The following ECPAS variants were observed in gnomAD, a reference collection of about 807,000 sequenced individuals.
ECPAS encodes the protein Ecm29 proteasome adaptor and scaffold.
In ECPAS, 70 loss-of-function variants were observed where a neutral mutation model predicts 255.1. The observed-to-expected ratio is 0.27, with a 90% confidence interval of 0.23 to 0.33. ECPAS has a LOEUF of 0.33. Ranked by LOEUF, ECPAS falls within the 10% of genes least tolerant of loss-of-function variation. The probability of loss-of-function intolerance (pLI) is 1.00; values close to 1 mark genes in which losing one functional copy is unlikely to be tolerated. For synonymous variants in ECPAS, 784 were observed against 775.0 expected, an observed-to-expected ratio of 1.01 and a Z score of -0.19; for missense variants, 1,817 against 2,206.4, an observed-to-expected ratio of 0.82 and a Z score of 3.54.
chr9:111,456,596 G>A (rs2098267282), intron 2 of ECPAS, among the ~76,000 whole-genome samples: 1 of 152,154 alleles, frequency 6.6e-6, no homozygotes, highest in Admixed American at 6.5e-5. Flanking sequence ...CAAATTCAAA[G>A]GTCAGAAAAC....
chr9:111,466,978 G>A lies in ECPAS; in HGVS notation c.22+5919C>T, dbSNP rs183051196. Among the ~76,000 whole-genome samples, 297 of 152,008 alleles carry A rather than the reference G, an allele frequency of 2.0e-3. 1 individual carries two copies. The highest frequency in any genetic ancestry group is 6.9e-3 in the African/African-American group (285 of 41,478). Reference sequence around the variant, plus strand: ...GTCTTTAGTTTCTCTATCTAAAGACGAAGAAGGAACACTCCCTCCTCCTAC... The same window carrying A: ...GTCTTTAGTTTCTCTATCTAAAGACAAAGAAGGAACACTCCCTCCTCCTAC... On this transcript the variant is annotated intron_variant, in intron 2 of 49. Transcript: ENST00000684092.
intron 16 of ECPAS, among the ~76,000 whole-genome samples, 197 bp from the exon 17 acceptor site, chr9:111,418,203 G>A (rs1402068462): frequency 6.6e-6 from 1 of 152,036 alleles, no homozygotes; most frequent in African/African-American, 2.4e-5. Context: ...ATGAGGTCCG[G>A]GGACTCATCT....
At chr9:111,444,716 C>A (rs2098250514) in intron 3 of ECPAS, among the ~76,000 whole-genome samples, 1 of 152,106 alleles carries the variant, frequency 6.6e-6, no homozygotes. Flanking sequence ...TTCTCTTTTT[C>A]TTTTTATTTC....
At chr9:111,362,331 A>G (rs944367344) in intron 49 of ECPAS, among the ~76,000 whole-genome samples, 162 bp from the exon 50 acceptor site, 11 of 152,206 alleles carry the variant, frequency 7.2e-5, no homozygotes, top group Admixed American at 4.6e-4. Flanking sequence ...GTATATAATT[A>G]TCATTACATA....
rs140242673 is a variant in ECPAS, at chr9:111,380,596, T to C, written c.3804-1866A>G. ...GACAGTCAGCCTGGCCTTTGAAGCG[T>C]TGCAGCCGGGCACTGACTTCTCTCT... On this transcript the variant is annotated intron_variant, in intron 35 of 49. Coordinates refer to ENST00000684092, the MANE Select transcript of ECPAS (RefSeq NM_001364929.1). Among the ~76,000 whole-genome samples, 33 of 152,350 alleles carry C rather than the reference T, an allele frequency of 2.2e-4. 1 individual carries two copies. In the East Asian group the frequency reaches 4.6e-3, roughly 21 times the overall value.
At chr9:111,419,202 T>C (rs1029102794) in intron 16 of ECPAS, among the ~76,000 whole-genome samples, 1 of 152,232 alleles carries the variant, frequency 6.6e-6, no homozygotes, top group African/African-American at 2.4e-5. Context: ...TGCATAATTT[T>C]ATTTAAACTA....
intron 1 of ECPAS, among the ~76,000 whole-genome samples, chr9:111,480,570 T>C (rs2098303235): frequency 6.6e-6 from 1 of 152,160 alleles, no homozygotes; most frequent in Non-Finnish European, 1.5e-5. Context: ...AGTGCTAGGA[T>C]TACAGGTGTG....
At chr9:111,410,842 A>G (rs2098192947) in intron 22 of ECPAS, 138 bp downstream of exon 22, 1 of 928,994 alleles carries the variant, frequency 1.1e-6, no homozygotes, top group Admixed American at 2.4e-5. Flanking sequence ...AAAATACATT[A>G]TTTATCAAGT....
rs2098250155 is a variant in ECPAS, at chr9:111,444,459, T to C, written c.189A>G (p.Ile63Met). ...GAAGTTGTATTTTGGGGCGGCTTTT[T>C]ATACGTTTATTCAGATGGACCAGCA... ...MELLVHLNKR[I>M]KSRPKIQLPV... The change falls in exon 4 of 50, where the codon ATA (isoleucine) becomes ATG (methionine). Residue 63 changes from isoleucine to methionine, a missense_variant. Around this residue, in one of 4 missense-constraint regions of ECPAS, gnomAD observed 90 missense variants for 158.5 expected, o/e 0.57. Coordinates refer to ENST00000684092, the MANE Select transcript of ECPAS (RefSeq NM_001364929.1). The C allele has an allele frequency of 2.5e-6, 4 of 1,613,942 alleles. No individual in the cohort carries two copies. The highest frequency in any genetic ancestry group is 1.6e-4 in the Middle Eastern group (1 of 6,062).
chr9:111,422,692 A>G (rs2098215888), intron 13 of ECPAS, among the ~76,000 whole-genome samples: 1 of 152,198 alleles, frequency 6.6e-6, no homozygotes, highest in South Asian at 2.1e-4. Flanking sequence ...ACATGGTGCC[A>G]CTGAGAATGC....
chr9:111,370,667 C>T (rs768588914), intron 44 of ECPAS, 40 bp from the exon 45 acceptor site: 17 of 1,605,286 alleles, frequency 1.1e-5, no homozygotes, highest in Non-Finnish European at 1.4e-5. Context: ...TTAATAAAGG[C>T]TGCAGTTTTC....
At chr9:111,404,479 G>C (rs1432752741) in intron 24 of ECPAS, among the ~76,000 whole-genome samples, 1 of 149,052 alleles carries the variant, frequency 6.7e-6, no homozygotes, top group African/African-American at 2.6e-5. Context: ...CCCCAATGTT[G>C]GAGGAGAGGC....
chr9:111,393,695 G>T lies in ECPAS; in HGVS notation c.2962C>A (p.Leu988Ile). The change falls in exon 27 of 50, where the codon CTA (leucine) becomes ATA (isoleucine). Residue 988 changes from leucine to isoleucine, a missense_variant. Leu to Ile is a conservative substitution (Grantham distance 5). Around this residue, in one of 4 missense-constraint regions of ECPAS, gnomAD observed 960 missense variants for 1,179.0 expected, o/e 0.81. Transcript: ENST00000684092. The part of the protein sequence containing the change: ...KEIQSAFVSV[L>I]SENDELSQDV... ...AACAACCTACCATCATTTTCTGATA[G>T]AACTGAAACAAATGCACTTTGAATT... 1.3e-6 allele frequency: 2 copies of T among 1,582,688 alleles called. No individual in the cohort carries two copies. The highest frequency in any genetic ancestry group is 1.1e-5 in the South Asian group (1 of 89,326).
intron 6 of ECPAS, among the ~76,000 whole-genome samples, chr9:111,439,519 C>T (rs570482003): frequency 9.2e-5 from 14 of 152,138 alleles, no homozygotes; most frequent in East Asian, 3.9e-4. Context: ...TCTGTTCGGC[C>T]CCCCCTTCCC....
At chr9:111,390,126 G>T in intron 29 of ECPAS, 25 bp from the exon 30 acceptor site, 1 of 1,380,726 alleles carries the variant, frequency 7.2e-7, no homozygotes, top group South Asian at 1.2e-5. Flanking sequence ...AAAAGAGGTA[G>T]GCAATAATAC....
intron 34 of ECPAS, 27 bp downstream of exon 34, chr9:111,384,495 A>C (rs768800687): frequency 6.2e-7 from 1 of 1,606,538 alleles, no homozygotes; most frequent in South Asian, 1.1e-5. Flanking sequence ...GCTCCACTCC[A>C]TTCCCAATGT....
At position 111,396,923 on chromosome 9, in the gene ECPAS, T is replaced by C. The variant is rs2098168436; in HGVS notation, c.2776+107A>G. The C allele has an allele frequency of 4.3e-6, 6 of 1,381,256 alleles. No individual in the cohort carries two copies. In the Admixed American group the frequency reaches 5.6e-5, roughly 13 times the overall value. 85.6% of individuals were successfully genotyped at this position (1,381,256 alleles called of 1,614,324 possible). A position where few individuals can be genotyped will look rare whatever the true frequency, so the allele number is the denominator to read the frequency against. On this transcript the variant is annotated intron_variant, in intron 25 of 49. Transcript: ENST00000684092. ...AAATTGGTAAAACAGATATAAATAT[T>C]TGAAAACAGTAATATGGAATGTGTA...
chr9:111,473,165 G>GAAT (rs2098291336), intron 1 of ECPAS, among the ~76,000 whole-genome samples, 165 bp from the exon 2 acceptor site: 1 of 152,074 alleles, frequency 6.6e-6, no homozygotes, highest in Admixed American at 6.6e-5. Flanking sequence ...ATTTGAGAAA[G>GAAT]AATAAGGCCT....
rs118039528 is a variant in ECPAS at position 111,446,923 on chromosome 9, C to T, written c.154-2429G>A. On this transcript the variant is annotated intron_variant, in intron 3 of 49. Coordinates refer to ENST00000684092, the MANE Select transcript of ECPAS (RefSeq NM_001364929.1). The stretch of plus-strand genomic sequence containing the variant: ...CTTGCATTGTCATCCATACTTCATC[C>T]GAGCTTCCTACCTGTCCTGGATCTG... Among the ~76,000 whole-genome samples, 315 of 152,238 alleles carry T rather than the reference C, an allele frequency of 2.1e-3. 5 individuals are homozygous for T. In the East Asian group the frequency reaches 0.05, roughly 24 times the overall value.
Sources: gnomAD v4.1 joint callset for allele counts (sites outside exome capture counted in the v4.1 genomes callset) on GRCh38, gnomAD v4.1.1 for gene constraint, gnomAD v4.1.1 regional missense constraint, MANE v1.5 for transcripts, NCBI Gene and HGNC (gene_info 2026-07-23, HGNC 2026-07-21) for gene names.